Variants in MUC3A observed in about 807,000 individuals in gnomAD.
MUC3A encodes the protein mucin-3A.
In MUC3A, 109 loss-of-function variants were observed where a neutral mutation model predicts 109.0. The ratio of observed to expected loss-of-function variants is 1.00; its 90% CI spans 0.86 to 1.17. The LOEUF (loss-of-function observed/expected upper bound fraction) is 1.17. Ranked by LOEUF, MUC3A falls within the 50% of genes most tolerant of loss-of-function variation. The pLI, the probability that MUC3A is intolerant of heterozygous loss-of-function variation, is 0.00. For synonymous variants in MUC3A, 1,398 were observed against 981.4 expected (o/e 1.42, Z -7.93); for missense variants, 3,537 against 2,469.4 (o/e 1.43, Z -9.16).
At chr7:100,964,576 A>T in intron 5 of MUC3A, 119 bp from the exon 6 acceptor site, 1 of 1,434,904 alleles carries the variant, frequency 7.0e-7, no homozygotes, top group Non-Finnish European at 9.2e-7. Context: ...GTGGCATCCC[A>T]ACTCATGACC....
At position 100,966,405 on chromosome 7, in the gene MUC3A, C is replaced by T. The variant is rs1792560167; in HGVS notation, c.9631C>T (p.His3211Tyr). The change falls in exon 9 of 12, where the codon CAC becomes TAC. Residue 3211 changes from histidine (H) to tyrosine (Y), a missense_variant. By Grantham distance (83) the His-to-Tyr change is moderately conservative (BLOSUM62 2). Coordinates refer to ENST00000379458, the MANE Select transcript of MUC3A (RefSeq NM_005960.2). ...CCGCAGCTGCTACTCCACCGACACG[C>T]ACTGGTTCTCTGGCCCGCGCTGCGA... ...PTCRCYSTDT[H>Y]WFSGPRCEVA... 1 of 1,349,802 alleles carries T rather than the reference C, an allele frequency of 7.4e-7. No individual in the cohort carries two copies. The highest frequency in any genetic ancestry group is 2.8e-5 in the East Asian group (1 of 36,284). The allele number at this position is 1,349,802 out of a possible 1,614,324, so 83.6% of individuals were successfully genotyped here.
rs927772656 is a variant in MUC3A, at chr7:100,963,734, T to C, written c.9215T>C (p.Val3072Ala). 124 of 1,598,498 alleles carry C rather than the reference T, an allele frequency of 7.8e-5. No homozygotes were observed. The highest frequency in any genetic ancestry group is 1.8e-4 in the Admixed American group (11 of 60,022). The change falls in exon 5 of 12, where the codon GTG becomes GCG. Residue 3072 changes from valine to alanine, a missense_variant. Physicochemically the swap from Val to Ala is moderately conservative, Grantham distance 64. Transcript: ENST00000379458. ...ATGCAGGGCTTCACCTTCAAGGGTG[T>C]GGAGATCCTGTCCCTGAGGTAGGAG... ...ADMQGFTFKG[V>A]EILSLRNGSI...
At chr7:100,951,298 T>C (rs1383015125) in intron 1 of MUC3A, among the ~76,000 whole-genome samples, 2 of 152,304 alleles carry the variant, frequency 1.3e-5, no homozygotes, top group Non-Finnish European at 2.9e-5. Context: ...CCTGGCCCTC[T>C]TTGTTCAGCT....
rs886484948 is a variant in MUC3A at position 100,959,415 on chromosome 7, C to G, written c.7636C>G (p.Pro2546Ala). Residue 2546 changes from proline to alanine, a missense_variant, in exon 2 of 12, where the codon CCC (proline) becomes GCC (alanine). By Grantham distance (27) the Pro-to-Ala change is conservative. Transcript: ENST00000379458. ...ETSSLVGTTSPTMSTVRMTLR... is the reference protein window; with the variant it reads ...ETSSLVGTTSATMSTVRMTLR... ...CTCATCCCTTGTGGGCACCACCTCT[C>G]CCACCATGTCCACTGTGAGAATGAC... 6.5e-7 allele frequency: 1 copy of G among 1,535,964 alleles called. No homozygotes were observed. Among genetic ancestry groups the G allele is most frequent in the Non-Finnish European group, 8.7e-7 (1 of 1,152,898 alleles).
Position 100,966,668 on chromosome 7 carries a change from A to G in MUC3A, c.9802A>G (p.Arg3268Gly). 3 of 1,598,548 alleles carry G rather than the reference A, an allele frequency of 1.9e-6. No individual in the cohort carries two copies. The highest frequency in any genetic ancestry group is 1.1e-5 in the South Asian group (1 of 91,090). ...QRRGRSWDQD[R>G]KWFETWDEEV... is the part of the protein sequence containing the mutation. Reference sequence around the variant, plus strand: ...CCCACCTAGGTCCTGGGACCAGGACAGGAAATGGTTCGAGACCTGGGATGA... The same window carrying G: ...CCCACCTAGGTCCTGGGACCAGGACGGGAAATGGTTCGAGACCTGGGATGA... The change falls in exon 10 of 12, where the codon AGG (arginine) becomes GGG (glycine). Residue 3268 changes from arginine to glycine, a missense_variant. Transcript: ENST00000379458.
intron 5 of MUC3A, chr7:100,964,071 GAGAGAGAA>G: frequency 2.0e-6 from 1 of 507,106 alleles, no homozygotes; most frequent in Non-Finnish European, 3.5e-6. Flanking sequence ...TAGAAAGAGA[GAGAGAGAA>G]AGAGAGAGAG....
intron 5 of MUC3A, 185 bp downstream of exon 5, chr7:100,963,937 T>C: frequency 2.5e-6 from 2 of 809,676 alleles, no homozygotes; most frequent in Non-Finnish European, 3.9e-6. Context: ...GGAGGAGGGG[T>C]GGCACCTCTC....
At chr7:100,965,952 C>G in intron 8 of MUC3A, 86 bp downstream of exon 8, 7 of 1,489,294 alleles carry the variant, frequency 4.7e-6, no homozygotes, top group Non-Finnish European at 6.2e-6. Context: ...GCCCCGGCTC[C>G]GCGCCCTGGG....
At position 100,959,474 on chromosome 7, in the gene MUC3A, C is replaced by T. The variant is rs1792238341; in HGVS notation, c.7695C>T (p.Ser2565=). ...TTACTGAGAACACCCCAATCAGTTC[C>T]TTTAGCACAAGTATTGTTGTTATAC... ...LRITENTPIS[S]FSTSIVVIPE... The change falls in exon 2 of 12, where the codon TCC becomes TCT. Residue 2565 remains serine (S), a synonymous_variant. Transcript: ENST00000379458. 1.9e-6 allele frequency: 3 copies of T among 1,578,252 alleles called. No homozygotes were observed. The highest frequency in any genetic ancestry group is 2.6e-6 in the Non-Finnish European group (3 of 1,171,572).
intron 2 of MUC3A, 53 bp downstream of exon 2, chr7:100,960,698 T>A: frequency 6.3e-7 from 1 of 1,592,946 alleles, no homozygotes; most frequent in South Asian, 1.1e-5. Flanking sequence ...AAAATTCCTG[T>A]GTCACTGAGG....
Position 100,959,018 on chromosome 7 carries a change from C to A in MUC3A, c.7239C>A (p.Ile2413=), listed in dbSNP as rs753838319. The A allele has an allele frequency of 6.8e-7, 1 of 1,468,126 alleles. No individual in the cohort carries two copies. Among genetic ancestry groups the A allele is most frequent in the Non-Finnish European group, 9.0e-7 (1 of 1,115,170 alleles). The allele number at this position is 1,468,126 out of a possible 1,614,324, so 90.9% of individuals were successfully genotyped here. The stretch of plus-strand genomic sequence containing the variant: ...TTACTCCTGGCCTCACTTCTTCAAT[C>A]ACCACCACTGAGACTACCTCACACA... ...SHITPGLTSS[I]TTTETTSHST... Residue 2413 remains isoleucine (I), a synonymous_variant, in exon 2 of 12, where the codon ATC becomes ATA. Transcript: ENST00000379458.
chr7:100,956,885 C>A lies in MUC3A; in HGVS notation c.5106C>A (p.Thr1702=), dbSNP rs1792110579. 7.3e-6 allele frequency: 3 copies of A among 412,926 alleles called. No homozygotes were observed. The highest frequency in any genetic ancestry group is 1.3e-5 in the Non-Finnish European group (3 of 236,238). The allele number at this position is 412,926 out of a possible 1,614,324, so 25.6% of individuals were successfully genotyped here. A position where few individuals can be genotyped will look rare whatever the true frequency, so the allele number is the denominator to read the frequency against. The change falls in exon 2 of 12, where the codon ACC becomes ACA. Residue 1702 remains threonine, a synonymous_variant. Coordinates refer to ENST00000379458, the MANE Select transcript of MUC3A (RefSeq NM_005960.2). ...TTAESTPSPT[T]TMSFTTFTKM... is the part of the protein sequence containing the mutation. ...CTGAATCCACCCCATCACCTACAACCACCATGTCATTCACAACATTTACAA... is the reference window on the plus strand; with the variant it reads ...CTGAATCCACCCCATCACCTACAACAACCATGTCATTCACAACATTTACAA...
rs1362752549 is a variant in MUC3A at position 100,960,281 on chromosome 7, G to T, written c.8502G>T (p.Met2834Ile). The T allele has an allele frequency of 1.9e-6, 3 of 1,598,552 alleles. No homozygotes were observed. Among genetic ancestry groups the T allele is most frequent in the African/African-American group, 1.3e-5 (1 of 75,082 alleles). The part of the protein sequence containing the change: ...TLTTYMDTSS[M>I]MPESESSISP... ...CTACATATATGGACACTTCTTCCAT[G>T]ATGCCAGAAAGTGAGTCCAGCATCT... Residue 2834 changes from methionine to isoleucine, a missense_variant, in exon 2 of 12, where the codon ATG (methionine) becomes ATT (isoleucine). Transcript: ENST00000379458.
intron 6 of MUC3A, 88 bp from the exon 7 acceptor site, chr7:100,965,194 T>C (rs1792486837): frequency 1.9e-6 from 3 of 1,552,734 alleles, no homozygotes; most frequent in Admixed American, 1.9e-5. Flanking sequence ...CTGCCCTCCC[T>C]GTGCCTATCC....
At position 100,957,470 on chromosome 7, in the gene MUC3A, C is replaced by A. The variant is rs1209102576; in HGVS notation, c.5691C>A (p.Thr1897=). Residue 1897 remains threonine (T), a synonymous_variant, in exon 2 of 12, where the codon ACC becomes ACA. Coordinates refer to ENST00000379458, the MANE Select transcript of MUC3A (RefSeq NM_005960.2). ...CAACAAACTTGGTAACCACGACCAC[C>A]AAGATCACCTCACACAGTACTCCTA... The part of the protein sequence containing the change: ...VPTTNLVTTT[T]KITSHSTPSF... The A allele has an allele frequency of 5.1e-6, 7 of 1,359,936 alleles. No homozygotes were observed. Among genetic ancestry groups the A allele is most frequent in the South Asian group, 1.6e-5 (1 of 62,592 alleles). The allele number at this position is 1,359,936 out of a possible 1,614,324, so 84.2% of individuals were successfully genotyped here.
chr7:100,959,219 G>C lies in MUC3A; in HGVS notation c.7440G>C (p.Leu2480=), dbSNP rs1293727151. The change falls in exon 2 of 12, where the codon CTG becomes CTC. Residue 2480 remains leucine (L), a synonymous_variant. Transcript: ENST00000379458. The part of the protein sequence containing the change: ...VTPTPVTPSS[L]STDIPTTSLR... ...CCACACCTGTAACCCCATCTTCTCT[G>C]AGTACAGACATCCCGACCACAAGCC... 3 of 1,598,496 alleles carry C rather than the reference G, an allele frequency of 1.9e-6. No homozygotes were observed. The highest frequency in any genetic ancestry group is 1.1e-5 in the South Asian group (1 of 91,082).
chr7:100,958,074 A>T lies in MUC3A; in HGVS notation c.6295A>T (p.Thr2099Ser). The change falls in exon 2 of 12, where the codon ACC (threonine) becomes TCC (serine). Residue 2099 changes from threonine to serine, a missense_variant. Thr to Ser is a moderately conservative substitution (Grantham distance 58). Coordinates refer to ENST00000379458, the MANE Select transcript of MUC3A (RefSeq NM_005960.2). ...TCTCAGCTTCACTTCTTCAATCACC[A>T]CCACTGAGACCACCTCACACAGTAC... ...STLSFTSSIT[T>S]TETTSHSTPS... The T allele has an allele frequency of 7.2e-7, 1 of 1,386,122 alleles. No individual in the cohort carries two copies. The highest frequency in any genetic ancestry group is 1.7e-5 in the Admixed American group (1 of 59,618). The allele number at this position is 1,386,122 out of a possible 1,614,324, so 85.9% of individuals were successfully genotyped here.
Position 100,959,776 on chromosome 7 carries a change from G to A in MUC3A, c.7997G>A (p.Gly2666Glu), listed in dbSNP as rs762464654. 2 of 1,597,504 alleles carry A rather than the reference G, an allele frequency of 1.3e-6. No individual in the cohort carries two copies. Among genetic ancestry groups the A allele is most frequent in the East Asian group, 4.5e-5 (2 of 44,898 alleles). ...TTCACTACAGAATCTTTCACTAGGGGAAGTACGTCTACAAATGCAATCTTG... is the reference window on the plus strand; with the variant it reads ...TTCACTACAGAATCTTTCACTAGGGAAAGTACGTCTACAAATGCAATCTTG... The part of the protein sequence containing the change: ...SEFTTESFTR[G>E]STSTNAILTS... Residue 2666 changes from glycine (G) to glutamate (E), a missense_variant, in exon 2 of 12, where the codon GGA becomes GAA. Gly to Glu is a moderately conservative substitution (Grantham distance 98). Coordinates refer to ENST00000379458, the MANE Select transcript of MUC3A (RefSeq NM_005960.2).
Position 100,949,676 on chromosome 7 carries a change from T to C in MUC3A, c.52T>C (p.Trp18Arg). 1 of 1,268,296 alleles carries C rather than the reference T, an allele frequency of 7.9e-7. No homozygotes were observed. The highest frequency in any genetic ancestry group is 1.4e-5 in the South Asian group (1 of 70,514). 78.6% of individuals were successfully genotyped at this position (1,268,296 alleles called of 1,614,324 possible). ...CCTCTGGATGCTCAAGGCCTCCCCG[T>C]GGGCCACAGGTAAGGGGGAGAGGCG... is the stretch of plus-strand genomic sequence containing the variant. Reference protein sequence around the residue: ...GLLWMLKASPWATGTLSTATS... With the variant: ...GLLWMLKASPRATGTLSTATS... Residue 18 changes from tryptophan (W) to arginine (R), a missense_variant, in exon 1 of 12, where the codon TGG becomes CGG. Transcript: ENST00000379458.
Sources: allele counts gnomAD v4.1 joint callset (sites outside exome capture counted in the v4.1 genomes callset), GRCh38; gene constraint gnomAD v4.1.1; transcripts MANE v1.5; gene names NCBI Gene and HGNC (gene_info 2026-07-23, HGNC 2026-07-21).